The following ROBO2 variants were observed in gnomAD, a reference collection of about 807,000 sequenced individuals.
ROBO2 encodes the protein roundabout guidance receptor 2.
In ROBO2, 53 loss-of-function variants were observed where a neutral mutation model predicts 160.8. The observed-to-expected ratio is 0.33, with a 90% confidence interval of 0.26 to 0.41. The LOEUF is 0.41. Ranked by LOEUF, ROBO2 falls within the 10% of genes least tolerant of loss-of-function variation. The probability of loss-of-function intolerance (pLI) is 1.00; values close to 1 mark genes in which losing one functional copy is unlikely to be tolerated. For missense variants in ROBO2, 1,577 were observed against 1,722.4 expected (o/e 0.92, Z 1.49); for synonymous variants, 664 against 611.7 (o/e 1.09, Z -1.26).
chr3:77,541,855 C>T (rs1330590468), intron 6 of ROBO2, among the ~76,000 whole-genome samples: 1 of 152,152 alleles, frequency 6.6e-6, no homozygotes, highest in African/African-American at 2.4e-5. Flanking sequence ...ATTTTTATAA[C>T]AGGCATATTC....
chr3:77,104,307 T>A (rs1189965074), intron 2 of ROBO2, among the ~76,000 whole-genome samples: 1 of 152,182 alleles, frequency 6.6e-6, no homozygotes, highest in African/African-American at 2.4e-5. Flanking sequence ...TATGTTAGAA[T>A]CATACAATAT....
At chr3:76,977,479 A>G (rs1042583763) in intron 2 of ROBO2, among the ~76,000 whole-genome samples, 6 of 152,160 alleles carry the variant, frequency 3.9e-5, no homozygotes, top group Non-Finnish European at 8.8e-5. Flanking sequence ...ATGGAAAACA[A>G]TACTAACATG....
intron 3 of ROBO2, among the ~76,000 whole-genome samples, chr3:77,478,203 G>T (rs2084270758): frequency 1.3e-5 from 2 of 152,120 alleles, no homozygotes; most frequent in African/African-American, 2.4e-5. Flanking sequence ...ATAAATGATA[G>T]CCATAAACCA....
At chr3:76,388,810 CATAA>C (rs1295203258) in intron 2 of ROBO2, among the ~76,000 whole-genome samples, 2 of 151,760 alleles carry the variant, frequency 1.3e-5, no homozygotes, top group African/African-American at 4.8e-5. Flanking sequence ...TTATCTATTC[CATAA>C]ATATTTATTG....
intron 1 of ROBO2, among the ~76,000 whole-genome samples, chr3:77,062,416 A>G (rs1183422931): frequency 6.6e-6 from 1 of 152,074 alleles, no homozygotes; most frequent in Non-Finnish European, 1.5e-5. Context: ...TTTAAAAAAT[A>G]CTCAAATAAA....
chr3:76,108,053 G>T (rs534950989), intron 2 of ROBO2, among the ~76,000 whole-genome samples: 5 of 152,118 alleles, frequency 3.3e-5, no homozygotes, highest in Middle Eastern at 3.4e-3. Context: ...AGAAAGAATA[G>T]CATACTCTTT....
intron 2 of ROBO2, among the ~76,000 whole-genome samples, chr3:76,020,544 G>A (rs533035703): frequency 4.6e-5 from 7 of 151,434 alleles, no homozygotes; most frequent in Admixed American, 1.3e-4. Context: ...TTTACTTAAG[G>A]TCTACATTGA....
chr3:76,733,434 A>G (rs1576308387), intron 2 of ROBO2, among the ~76,000 whole-genome samples: 1 of 152,346 alleles, frequency 6.6e-6, no homozygotes. Flanking sequence ...CCAATTCACT[A>G]AAAGATCAAT....
intron 2 of ROBO2, among the ~76,000 whole-genome samples, chr3:76,317,505 G>A (rs1265969080): frequency 6.6e-6 from 1 of 152,166 alleles, no homozygotes; most frequent in African/African-American, 2.4e-5. Flanking sequence ...TATAATGTGA[G>A]ATTGGGAATC....
chr3:76,442,943 T>G (rs2076992867), intron 2 of ROBO2, among the ~76,000 whole-genome samples: 1 of 152,176 alleles, frequency 6.6e-6, no homozygotes, highest in South Asian at 2.1e-4. Flanking sequence ...TTTGTGTTGC[T>G]ATAAAAGATT....
At chr3:75,982,025 T>G (rs1047581131) in intron 2 of ROBO2, among the ~76,000 whole-genome samples, 3 of 151,588 alleles carry the variant, frequency 2.0e-5, no homozygotes, top group African/African-American at 7.3e-5. Flanking sequence ...CATGTGATGT[T>G]TGTCTTTCTG....
At position 76,688,602 on chromosome 3, in the gene ROBO2, G is replaced by GGTGTGTGTGT. The variant is rs111250460; in HGVS notation, c.110-409396_110-409387dup. Among the ~76,000 whole-genome samples, 54 of 148,772 alleles carry GGTGTGTGTGT rather than the reference G, an allele frequency of 3.6e-4. 1 individual carries two copies. Among genetic ancestry groups the GGTGTGTGTGT allele is most frequent in the African/African-American group, 9.8e-4 (40 of 40,654 alleles). ...GTAGACTAGGGAGAGAAATTTTAGT[G>GGTGTGTGTGT]GTGTGTGTGTGTGTGTGTGTGTGTG... On this transcript the variant is annotated intron_variant, in intron 2 of 26. Transcript: ENST00000487694.
chr3:77,162,503 T>TAA (rs1312760417), intron 2 of ROBO2, among the ~76,000 whole-genome samples: 1 of 152,160 alleles, frequency 6.6e-6, no homozygotes, highest in Non-Finnish European at 1.5e-5. Flanking sequence ...TTTCCGTACG[T>TAA]AAGATCCAAG....
At chr3:77,040,889 C>T (rs1324125190) in intron 1 of ROBO2, 43 bp downstream of exon 1, 1 of 1,609,822 alleles carries the variant, frequency 6.2e-7, no homozygotes, top group East Asian at 2.2e-5. Context: ...CCCCCCACCC[C>T]CCAATCCCCC....
intron 2 of ROBO2, among the ~76,000 whole-genome samples, chr3:76,856,127 A>T (rs1448147507): frequency 6.6e-6 from 1 of 152,198 alleles, no homozygotes; most frequent in East Asian, 1.9e-4. Context: ...TATCGTGGTT[A>T]TATGAACAAG....
At chr3:76,414,787 A>G (rs1195712112) in intron 2 of ROBO2, among the ~76,000 whole-genome samples, 1 of 151,738 alleles carries the variant, frequency 6.6e-6, no homozygotes, top group South Asian at 2.1e-4. Flanking sequence ...AAAGAAAAAG[A>G]CAAAAAAAAA....
At chr3:76,707,816 C>A (rs264560) in intron 2 of ROBO2, among the ~76,000 whole-genome samples, 55,728 of 150,570 alleles carry the variant, frequency 0.37, 11,417 homozygotes, top group Non-Finnish European at 0.47. Context: ...CCAGACCACC[C>A]TCCTCCAATC....
At chr3:76,667,163 G>A (rs1283306364) in intron 2 of ROBO2, among the ~76,000 whole-genome samples, 1 of 152,034 alleles carries the variant, frequency 6.6e-6, no homozygotes, top group African/African-American at 2.4e-5. Flanking sequence ...TACAGGTGAG[G>A]GCAGTTAGAT....
At chr3:76,703,978 G>A (rs1041654728) in intron 2 of ROBO2, among the ~76,000 whole-genome samples, 10 of 150,852 alleles carry the variant, frequency 6.6e-5, no homozygotes, top group African/African-American at 2.5e-4. Context: ...AGTTCAAATA[G>A]TACTTCTTTT....
Sources: gnomAD v4.1 joint callset for allele counts (sites outside exome capture counted in the v4.1 genomes callset) on GRCh38, gnomAD v4.1.1 for gene constraint, MANE v1.5 for transcripts, NCBI Gene and HGNC (gene_info 2026-07-23, HGNC 2026-07-21) for gene names.